STXBP5L: variants seen among roughly 807,000 people sequenced by gnomAD.
STXBP5L encodes syntaxin-binding protein 5-like.
In STXBP5L, 65 loss-of-function variants were observed where a neutral mutation model predicts 144.5. The ratio of observed to expected loss-of-function variants is 0.45; its 90% CI spans 0.37 to 0.55. The LOEUF is 0.55. Among genes scored for constraint, STXBP5L ranks in the 20% least tolerant of loss-of-function variants. The pLI is 0.00. For missense variants in STXBP5L, 1,298 were observed against 1,405.5 expected, an observed-to-expected ratio of 0.92 and a Z score of 1.22; for synonymous variants, 505 against 469.6, an observed-to-expected ratio of 1.08 and a Z score of -0.97.
In STXBP5L at chr3:121,413,139, T is replaced by C; in HGVS notation, c.2949-19T>C. The C allele has an allele frequency of 1.3e-6, 2 of 1,550,356 alleles. No homozygotes were observed. The highest frequency in any genetic ancestry group is 2.3e-5 in the East Asian group (1 of 42,764). On this transcript the variant is annotated intron_variant, in intron 23 of 26. Transcript: ENST00000471454. ...TAACAACCTGCATATGATATATGGA[T>C]TTACTTTTTTCCATTCAGCCTACCT...
chr3:121,118,060 A>G (rs1368416315), intron 6 of STXBP5L, among the ~76,000 whole-genome samples: 1 of 151,730 alleles, frequency 6.6e-6, no homozygotes, highest in Non-Finnish European at 1.5e-5. Context: ...AAATCATAAA[A>G]GTGTAAGACT....
Position 121,040,023 on chromosome 3 carries a change from C to A in STXBP5L, c.288-1677C>A, listed in dbSNP as rs190417060. 1.6e-3 allele frequency among the ~76,000 whole-genome samples: 236 copies of A among 151,570 alleles called. 3 individuals are homozygous for A. Among genetic ancestry groups the A allele is most frequent in the African/African-American group, 5.4e-3 (222 of 41,330 alleles). ...TACTTAACATGCTCAATCTCTCTAC[C>A]TTCTTCAACATATGCAGTGTAGTAT... On this transcript the variant is annotated intron_variant, in intron 3 of 26. Coordinates refer to ENST00000471454, the MANE Select transcript of STXBP5L (RefSeq NM_001308330.2).
chr3:120,952,359 G>A (rs111353231), intron 2 of STXBP5L, among the ~76,000 whole-genome samples: 2 of 152,106 alleles, frequency 1.3e-5, no homozygotes, highest in African/African-American at 2.4e-5. Flanking sequence ...AGAATATTGT[G>A]TAGTTTTCAG....
intron 19 of STXBP5L, among the ~76,000 whole-genome samples, chr3:121,280,842 G>A (rs1028099283): frequency 6.6e-6 from 1 of 151,448 alleles, no homozygotes; most frequent in Non-Finnish European, 1.5e-5. Context: ...TTGGGAGGCC[G>A]AGGTGAGAGG....
intron 20 of STXBP5L, among the ~76,000 whole-genome samples, chr3:121,340,677 T>G (rs550084332): frequency 7.4e-4 from 113 of 152,220 alleles, no homozygotes; most frequent in Middle Eastern, 3.4e-3. Context: ...TTTTTATGGC[T>G]GCAGAGTATT....
At position 121,157,205 on chromosome 3, in the gene STXBP5L, A is replaced by G. The variant is rs544946175; in HGVS notation, c.754-299A>G. On this transcript the variant is annotated intron_variant, in intron 8 of 26. Transcript: ENST00000471454. ...ACCATGTGTAAATTGAAAAATCAAT[A>G]CACTTTTTATAGGATTAAATGAAAT... Among the ~76,000 whole-genome samples, 80 of 152,184 alleles carry G rather than the reference A, an allele frequency of 5.3e-4. 1 individual carries two copies. The highest frequency in any genetic ancestry group is 5.2e-3 in the Admixed American group (80 of 15,280).
chr3:121,159,771 A>C (rs1422678604), intron 9 of STXBP5L, among the ~76,000 whole-genome samples: 1 of 151,504 alleles, frequency 6.6e-6, no homozygotes, highest in East Asian at 1.9e-4. Context: ...CTGGGACTAC[A>C]GGCGCCCGCT....
chr3:121,166,044 G>T lies in STXBP5L; in HGVS notation c.877+8417G>T, dbSNP rs146017535. Among the ~76,000 whole-genome samples, 412 of 151,624 alleles carry T rather than the reference G, an allele frequency of 2.7e-3. 5 individuals are homozygous for T. The highest frequency in any genetic ancestry group is 9.6e-3 in the African/African-American group (396 of 41,332). On this transcript the variant is annotated intron_variant, in intron 9 of 26. Coordinates refer to ENST00000471454, the MANE Select transcript of STXBP5L (RefSeq NM_001308330.2). ...TTTTCTTTTTTTGAGACAGGGTCTG[G>T]CTCTGTCACCCAGGCTGGAGTGCAG...
chr3:121,204,560 C>G (rs911533373), intron 9 of STXBP5L, among the ~76,000 whole-genome samples: 3 of 151,478 alleles, frequency 2.0e-5, no homozygotes, highest in African/African-American at 7.3e-5. Flanking sequence ...TATTCTGAAG[C>G]TAATCTGAAA....
chr3:121,125,854 G>A (rs1374900873), intron 7 of STXBP5L, among the ~76,000 whole-genome samples: 4 of 152,152 alleles, frequency 2.6e-5, no homozygotes, highest in Admixed American at 1.3e-4. Flanking sequence ...GAGAGGGGGT[G>A]TTAACCTCCC....
Position 120,993,474 on chromosome 3 carries a change from G to C in STXBP5L, c.287+38437G>C, listed in dbSNP as rs140566332. On this transcript the variant is annotated intron_variant, in intron 3 of 26. Coordinates refer to ENST00000471454, the MANE Select transcript of STXBP5L (RefSeq NM_001308330.2). ...TTTAAGGCTTTAAGCATTTGGAGTT[G>C]AGTTTTGCGTATTCTGAGATTTAGG... Among the ~76,000 whole-genome samples the C allele has an allele frequency of 2.6e-5, 4 of 152,068 alleles. No homozygotes were observed. The South Asian group carries it at 6.2e-4, about 24-fold the overall frequency.
intron 10 of STXBP5L, among the ~76,000 whole-genome samples, chr3:121,206,367 C>T (rs1577207642): frequency 6.6e-6 from 1 of 152,082 alleles, no homozygotes; most frequent in African/African-American, 2.4e-5. Flanking sequence ...AGTGTCTATA[C>T]TTTAAGATCT....
chr3:120,991,708 A>G (rs965194859), intron 3 of STXBP5L, among the ~76,000 whole-genome samples: 7 of 152,058 alleles, frequency 4.6e-5, no homozygotes, highest in Non-Finnish European at 8.8e-5. Context: ...AACTATCACA[A>G]GGACAAAAAA....
chr3:121,275,911 G>A (rs2050867538), intron 18 of STXBP5L, among the ~76,000 whole-genome samples: 1 of 151,852 alleles, frequency 6.6e-6, no homozygotes, highest in South Asian at 2.1e-4. Flanking sequence ...AAGTGGATTT[G>A]TTGTAGGCAC....
intron 5 of STXBP5L, among the ~76,000 whole-genome samples, chr3:121,068,220 T>C (rs1452417786): frequency 5.3e-5 from 8 of 152,134 alleles, no homozygotes; most frequent in Non-Finnish European, 1.2e-4. Context: ...ATGTTGGCCA[T>C]GATGGTCTCA....
At chr3:121,014,971 C>A (rs1237294482) in intron 3 of STXBP5L, among the ~76,000 whole-genome samples, 1 of 151,516 alleles carries the variant, frequency 6.6e-6, no homozygotes, top group Non-Finnish European at 1.5e-5. Flanking sequence ...TATTCAAGAC[C>A]TCTATACTGA....
intron 9 of STXBP5L, among the ~76,000 whole-genome samples, chr3:121,186,152 C>G (rs1284041474): frequency 6.6e-6 from 1 of 152,058 alleles, no homozygotes; most frequent in African/African-American, 2.4e-5. Flanking sequence ...GATTTTGTAT[C>G]CTGAGACTTT....
At chr3:121,283,462 A>G (rs1377835998) in intron 19 of STXBP5L, among the ~76,000 whole-genome samples, 2 of 151,972 alleles carry the variant, frequency 1.3e-5, no homozygotes, top group African/African-American at 4.8e-5. Flanking sequence ...GTGCGAGAAT[A>G]TTGGTATCTA....
intron 3 of STXBP5L, among the ~76,000 whole-genome samples, chr3:121,021,608 A>C (rs1945559451): frequency 6.6e-6 from 1 of 152,156 alleles, no homozygotes; most frequent in South Asian, 2.1e-4. Context: ...TCATCTTCAA[A>C]AGGAACCCTC....
Sources: gnomAD v4.1 joint callset for allele counts (sites outside exome capture counted in the v4.1 genomes callset) on GRCh38, gnomAD v4.1.1 for gene constraint, MANE v1.5 for transcripts, NCBI Gene and HGNC (gene_info 2026-07-23, HGNC 2026-07-21) for gene names.